The following SBF2 variants were observed in gnomAD, a reference collection of about 807,000 sequenced individuals.
SBF2 encodes the protein SET binding factor 2.
Under a neutral mutation model 225.2 loss-of-function variants are expected in SBF2, and 112 were observed. The observed-to-expected ratio is 0.50, with a 90% CI of 0.43 to 0.58. The LOEUF (loss-of-function observed/expected upper bound fraction) is 0.58. SBF2 is among the 20% of genes least tolerant of loss of function. The pLI is 0.00. For synonymous variants in SBF2, 763 were observed against 773.3 expected (o/e 0.99, Z 0.22); for missense variants, 1,996 against 2,206.2 (o/e 0.90, Z 1.91).
chr11:10,007,564 T>C (rs1159080526), intron 6 of SBF2, among the ~76,000 whole-genome samples: 2 of 152,188 alleles, frequency 1.3e-5, no homozygotes, highest in Non-Finnish European at 2.9e-5. Context: ...GAAACAACCC[T>C]GACCTTTGTT....
intron 2 of SBF2, among the ~76,000 whole-genome samples, chr11:10,101,090 T>C (rs902316479): frequency 6.6e-6 from 1 of 152,182 alleles, no homozygotes; most frequent in Non-Finnish European, 1.5e-5. Context: ...TCTGGAGGAA[T>C]TGCTGGCACA....
At position 10,043,064 on chromosome 11, in the gene SBF2, C is replaced by G. The variant is rs1014427534; in HGVS notation, c.142-83G>C. ...TCTCTGAGAAATTTTAAATGTTTGC[C>G]CATTTTAACAAATTCCTACCTGATG... is the stretch of plus-strand genomic sequence containing the variant. On this transcript the variant is annotated intron_variant, in intron 2 of 39. Coordinates refer to ENST00000256190, the MANE Select transcript of SBF2 (RefSeq NM_030962.4). The G allele has an allele frequency of 2.1e-6, 3 of 1,418,532 alleles. No individual in the cohort carries two copies. In the African/African-American group the frequency reaches 4.3e-5, roughly 20 times the overall value. 87.9% of individuals were successfully genotyped at this position (1,418,532 alleles called of 1,614,324 possible).
At chr11:10,127,226 TTAAA>T (rs1953798407) in intron 2 of SBF2, among the ~76,000 whole-genome samples, 1 of 152,078 alleles carries the variant, frequency 6.6e-6, no homozygotes, top group Non-Finnish European at 1.5e-5. Context: ...ATTTAAAAAA[TTAAA>T]TAAATACAGA....
At chr11:10,073,713 C>T (rs886325049) in intron 2 of SBF2, among the ~76,000 whole-genome samples, 1 of 151,864 alleles carries the variant, frequency 6.6e-6, no homozygotes, top group Admixed American at 6.6e-5. Context: ...AGACAGAGTG[C>T]GGCTCCAACT....
chr11:10,018,090 C>T (rs751576521), intron 6 of SBF2, among the ~76,000 whole-genome samples: 11 of 152,184 alleles, frequency 7.2e-5, no homozygotes, highest in Middle Eastern at 3.4e-3. Flanking sequence ...CAGAGAATAA[C>T]TGGAGAATTA....
intron 1 of SBF2, among the ~76,000 whole-genome samples, chr11:10,286,198 T>G (rs1407225527): frequency 6.8e-6 from 1 of 147,072 alleles, no homozygotes; most frequent in African/African-American, 2.6e-5. Context: ...ACACACACGG[T>G]AACTATGTGA....
At position 10,044,747 on chromosome 11, in the gene SBF2, A is replaced by AT. The variant is rs750220420; in HGVS notation, c.142-1767_142-1766insA. ...TCTTGCTGTGCCCTAACTTGCCCAG[A>AT]CATGTCCAGACACGTCTTGTGCCAT... On this transcript the variant is annotated intron_variant, in intron 2 of 39. Coordinates refer to ENST00000256190, the MANE Select transcript of SBF2 (RefSeq NM_030962.4). 5.2e-5 allele frequency: 8 copies of AT among 153,138 alleles called. 1 individual carries two copies. In the East Asian group the frequency reaches 7.7e-4, roughly 15 times the overall value. The allele number at this position is 153,138 out of a possible 1,614,324, so 9.5% of individuals were successfully genotyped here. A position where few individuals can be genotyped will look rare whatever the true frequency, so the allele number is the denominator to read the frequency against.
At chr11:10,030,169 C>T (rs1949202647) in intron 4 of SBF2, among the ~76,000 whole-genome samples, 1 of 152,154 alleles carries the variant, frequency 6.6e-6, no homozygotes. Flanking sequence ...ACTGTTTTTG[C>T]CTCAACTTAA....
At chr11:9,843,752 A>G (rs1013093690) in intron 24 of SBF2, 1 of 152,228 alleles carries the variant, frequency 6.6e-6, no homozygotes, top group African/African-American at 2.4e-5. Context: ...TAAAATACTG[A>G]TATTTCCTAA....
intron 2 of SBF2, among the ~76,000 whole-genome samples, chr11:10,132,874 T>C (rs1954135483): frequency 6.7e-6 from 1 of 148,846 alleles, no homozygotes; most frequent in Admixed American, 6.8e-5. Flanking sequence ...ACAAAGGTTC[T>C]CCACGTCCCC....
chr11:10,129,637 C>A (rs1303834749), intron 2 of SBF2, among the ~76,000 whole-genome samples: 3 of 151,978 alleles, frequency 2.0e-5, no homozygotes, highest in Non-Finnish European at 4.4e-5. Flanking sequence ...AGTTTCTAAT[C>A]TTCTGGGAAG....
At chr11:10,272,967 G>A (rs1333199152) in intron 1 of SBF2, among the ~76,000 whole-genome samples, 2 of 151,840 alleles carry the variant, frequency 1.3e-5, no homozygotes, top group East Asian at 3.9e-4. Flanking sequence ...CTACTGTGGA[G>A]GCTGAGGCAG....
chr11:10,228,305 C>G (rs1018571681), intron 1 of SBF2, among the ~76,000 whole-genome samples: 1 of 152,130 alleles, frequency 6.6e-6, no homozygotes, highest in Admixed American at 6.6e-5. Context: ...TAATTGAATG[C>G]CCTTTATTTC....
intron 2 of SBF2, among the ~76,000 whole-genome samples, chr11:10,158,267 A>C (rs1287988227): frequency 1.1e-4 from 16 of 152,146 alleles, no homozygotes; most frequent in Non-Finnish European, 2.2e-4. Flanking sequence ...ACTTCACTTT[A>C]TACCTCAAGA....
At chr11:9,806,556 T>A (rs997454457) in intron 32 of SBF2, among the ~76,000 whole-genome samples, 2 of 152,114 alleles carry the variant, frequency 1.3e-5, no homozygotes, top group African/African-American at 4.8e-5. Flanking sequence ...GGAGTATGAA[T>A]AAAAGGGCCA....
intron 17 of SBF2, among the ~76,000 whole-genome samples, chr11:9,886,664 A>G (rs536693346): frequency 1.4e-4 from 21 of 146,192 alleles, no homozygotes; most frequent in Admixed American, 4.8e-4. Flanking sequence ...TTCTGCCTCC[A>G]TTTCCAGTCA....
intron 3 of SBF2, among the ~76,000 whole-genome samples, chr11:10,034,949 G>A (rs7128698): frequency 0.5 from 76,593 of 151,846 alleles, 19,720 homozygotes; most frequent in Admixed American, 0.59. Flanking sequence ...ATTGGTCTGG[G>A]AAATAATGAA....
At chr11:9,986,154 G>C (rs1466641051) in intron 13 of SBF2, among the ~76,000 whole-genome samples, 1 of 152,068 alleles carries the variant, frequency 6.6e-6, no homozygotes, top group Non-Finnish European at 1.5e-5. Flanking sequence ...CAAATACATG[G>C]AATTTAAATA....
At chr11:10,265,946 C>G (rs1226196936) in intron 1 of SBF2, among the ~76,000 whole-genome samples, 1 of 152,144 alleles carries the variant, frequency 6.6e-6, no homozygotes, top group Non-Finnish European at 1.5e-5. Flanking sequence ...TTTTGAACTT[C>G]TAGCCTCAAG....
Sources: allele counts gnomAD v4.1 joint callset (sites outside exome capture counted in the v4.1 genomes callset), GRCh38; gene constraint gnomAD v4.1.1; transcripts MANE v1.5; gene names NCBI Gene and HGNC (gene_info 2026-07-23, HGNC 2026-07-21).